Variants in TCF7L2 observed in about 807,000 individuals in gnomAD.
TCF7L2 encodes transcription factor 7-like 2.
TCF7L2 carries 23 observed loss-of-function variants against 77.9 expected under a neutral mutation model. That is an observed-to-expected ratio of 0.30 (90% CI 0.21 to 0.42). TCF7L2 has a LOEUF of 0.42. TCF7L2 is among the 10% of genes least tolerant of loss of function. The pLI is 1.00. For synonymous variants in TCF7L2, 413 were observed against 340.2 expected (o/e 1.21, Z -2.36); for missense variants, 654 against 793.1 (o/e 0.82, Z 2.11).
chr10:113,101,063 G>A (rs141656893), intron 5 of TCF7L2, among the ~76,000 whole-genome samples: 3 of 151,818 alleles, frequency 2.0e-5, no homozygotes, highest in East Asian at 3.9e-4. Context: ...TGACAAGAGC[G>A]AAACTCCGTC....
At chr10:113,150,630 G>A (rs780784054) in intron 8 of TCF7L2, among the ~76,000 whole-genome samples, 17 of 152,136 alleles carry the variant, frequency 1.1e-4, no homozygotes, top group Non-Finnish European at 2.2e-4. Flanking sequence ...GAGCTGATTA[G>A]GACTTAGGAA....
At chr10:113,100,609 T>G (rs548442135) in intron 5 of TCF7L2, among the ~76,000 whole-genome samples, 3 of 152,142 alleles carry the variant, frequency 2.0e-5, no homozygotes, top group Non-Finnish European at 4.4e-5. Flanking sequence ...ATTTATGGGC[T>G]TAGAATTCCA....
At chr10:113,165,256 C>T (rs1336664612) in intron 13 of TCF7L2, among the ~76,000 whole-genome samples, 1 of 152,194 alleles carries the variant, frequency 6.6e-6, no homozygotes, top group African/African-American at 2.4e-5. Context: ...CGCCTCCATG[C>T]TGCTCTCGTA....
At chr10:112,999,737 C>T (rs1590214990) in intron 4 of TCF7L2, among the ~76,000 whole-genome samples, 3 of 152,150 alleles carry the variant, frequency 2.0e-5, no homozygotes, top group African/African-American at 4.8e-5. Context: ...GAGTATAAAC[C>T]TCGGGAACAG....
At chr10:113,057,162 C>A (rs891613347) in intron 5 of TCF7L2, among the ~76,000 whole-genome samples, 2 of 152,242 alleles carry the variant, frequency 1.3e-5, no homozygotes, top group Non-Finnish European at 2.9e-5. Context: ...GGTTTCTCTC[C>A]CTTCCTCTTG....
At chr10:112,986,042 A>G (rs1049355860) in intron 4 of TCF7L2, among the ~76,000 whole-genome samples, 7 of 152,110 alleles carry the variant, frequency 4.6e-5, no homozygotes, top group African/African-American at 7.2e-5. Flanking sequence ...GTAGTGGGGA[A>G]TATTTTCCTG....
In TCF7L2 at chr10:113,056,917, C is replaced by G. The variant is rs191277713; in HGVS notation, c.552+16791C>G. ...GCCTTGGGCCTCTACAGAGCGGTCT[C>G]ATCCAAACATCTCCCAGACTCTGCG... On this transcript the variant is annotated intron_variant, in intron 5 of 13. Transcript: ENST00000627217. Among the ~76,000 whole-genome samples, 445 of 152,326 alleles carry G rather than the reference C, an allele frequency of 2.9e-3. 5 individuals carry two copies. Among genetic ancestry groups the G allele is most frequent in the Middle Eastern group, 0.017 (5 of 294 alleles).
At chr10:113,103,083 T>G (rs1350501132) in intron 5 of TCF7L2, among the ~76,000 whole-genome samples, 1 of 151,740 alleles carries the variant, frequency 6.6e-6, no homozygotes, top group Non-Finnish European at 1.5e-5. Context: ...TGGTGCAGAC[T>G]TTTTTTTTCT....
chr10:113,005,178 C>T (rs992737353), intron 4 of TCF7L2, among the ~76,000 whole-genome samples: 10 of 152,190 alleles, frequency 6.6e-5, no homozygotes, highest in Admixed American at 1.3e-4. Context: ...GCGCTGAAGA[C>T]GGTGTCATAG....
At chr10:113,074,316 C>T (rs2058457938) in intron 5 of TCF7L2, among the ~76,000 whole-genome samples, 1 of 152,068 alleles carries the variant, frequency 6.6e-6, no homozygotes, top group African/African-American at 2.4e-5. Context: ...CCCCTCTTCC[C>T]GTTGTCCAAA....
intron 4 of TCF7L2, among the ~76,000 whole-genome samples, chr10:112,971,338 A>G (rs1307163299): frequency 6.6e-6 from 1 of 152,096 alleles, no homozygotes; most frequent in Non-Finnish European, 1.5e-5. Flanking sequence ...TCTGTTGTCC[A>G]GGCTGGAGTT....
chr10:113,011,165 G>A (rs960367443), intron 4 of TCF7L2, among the ~76,000 whole-genome samples: 4 of 152,148 alleles, frequency 2.6e-5, no homozygotes, highest in Admixed American at 2.6e-4. Flanking sequence ...CTGGGAGACT[G>A]GAACAAAATA....
At position 113,060,008 on chromosome 10, in the gene TCF7L2, C is replaced by T. The variant is rs114285889; in HGVS notation, c.552+19882C>T. Among the ~76,000 whole-genome samples the T allele has an allele frequency of 2.1e-3, 318 of 152,148 alleles. 2 individuals carry two copies. The highest frequency in any genetic ancestry group is 7.3e-3 in the African/African-American group (304 of 41,478). Reference sequence around the variant, plus strand: ...AAAGCTTGCTGGCATGTAGATTATCCGCCCCCGGTGGATATGACAGTGGGC... The same window carrying T: ...AAAGCTTGCTGGCATGTAGATTATCTGCCCCCGGTGGATATGACAGTGGGC... On this transcript the variant is annotated intron_variant, in intron 5 of 13. Coordinates refer to ENST00000627217, the MANE Select transcript of TCF7L2 (RefSeq NM_001146274.2).
At chr10:112,989,903 AG>A (rs1247042467) in intron 4 of TCF7L2, among the ~76,000 whole-genome samples, 1 of 152,190 alleles carries the variant, frequency 6.6e-6, no homozygotes, top group African/African-American at 2.4e-5. Flanking sequence ...ATTTTCTAAT[AG>A]ATGGGGTGAG....
At chr10:112,966,186 A>ATATATATT (rs1317704491) in intron 4 of TCF7L2, among the ~76,000 whole-genome samples, 9 of 14,594 alleles carry the variant, frequency 6.2e-4, no homozygotes, top group Admixed American at 4.0e-3. Flanking sequence ...AAATATATTT[A>ATATATATT]TATATATATA....
At chr10:113,057,312 G>A (rs992893850) in intron 5 of TCF7L2, among the ~76,000 whole-genome samples, 2 of 152,226 alleles carry the variant, frequency 1.3e-5, no homozygotes, top group Admixed American at 6.5e-5. Flanking sequence ...TCGGATTACA[G>A]GTGTGCACCA....
chr10:112,981,190 G>A (rs2040408334), intron 4 of TCF7L2, among the ~76,000 whole-genome samples: 1 of 151,912 alleles, frequency 6.6e-6, no homozygotes, highest in African/African-American at 2.4e-5. Context: ...TCTCCTCACA[G>A]AAGATACGAT....
At chr10:112,967,341 A>G (rs747403495) in intron 4 of TCF7L2, among the ~76,000 whole-genome samples, 18 of 152,138 alleles carry the variant, frequency 1.2e-4, no homozygotes, top group Non-Finnish European at 2.6e-4. Context: ...CCAGAGTACT[A>G]TGACCCTGTG....
chr10:113,159,306 C>T (rs1413788477), intron 12 of TCF7L2, among the ~76,000 whole-genome samples: 2 of 152,054 alleles, frequency 1.3e-5, no homozygotes, highest in Non-Finnish European at 2.9e-5. Flanking sequence ...CTTTTCCTCT[C>T]TTAATAATTA....
Sources: allele counts gnomAD v4.1 joint callset (sites outside exome capture counted in the v4.1 genomes callset), GRCh38; gene constraint gnomAD v4.1.1; transcripts MANE v1.5; gene names NCBI Gene and HGNC (gene_info 2026-07-23, HGNC 2026-07-21).